GTF2IRD1: variants seen among roughly 807,000 people sequenced by gnomAD.
GTF2IRD1 encodes general transcription factor II-I repeat domain-containing protein 1.
In GTF2IRD1, 26 loss-of-function variants were observed where a neutral mutation model predicts 113.2. That is an observed-to-expected ratio of 0.23 (90% CI 0.17 to 0.32). The LOEUF is 0.32. Among genes scored for constraint, GTF2IRD1 ranks in the 10% least tolerant of loss-of-function variants. The probability of loss-of-function intolerance (pLI) is 1.00; values close to 1 mark genes in which losing one functional copy is unlikely to be tolerated. For synonymous variants in GTF2IRD1, 484 were observed against 529.1 expected (o/e 0.91, Z 1.17); for missense variants, 864 against 1,280.8 (o/e 0.67, Z 4.97).
chr7:74,571,120 A>G (rs2130867504), intron 22 of GTF2IRD1: 1 of 985,304 alleles, frequency 1.0e-6, no homozygotes, highest in Non-Finnish European at 1.2e-6. Flanking sequence ...TCCCCAGAGC[A>G]GGGGCTCCAG....
chr7:74,560,032 C>T (rs1163929845), intron 22 of GTF2IRD1, among the ~76,000 whole-genome samples: 2 of 152,224 alleles, frequency 1.3e-5, no homozygotes, highest in African/African-American at 4.8e-5. Context: ...CCACCCACCT[C>T]GGCCTCCCAA....
intron 1 of GTF2IRD1, among the ~76,000 whole-genome samples, chr7:74,491,995 G>C (rs1486920113): frequency 1.3e-5 from 2 of 151,398 alleles, no homozygotes; most frequent in Non-Finnish European, 2.9e-5. Context: ...TTTCTTGTTC[G>C]TTTGTTTTTG....
At chr7:74,540,045 G>A (rs111389921) in intron 14 of GTF2IRD1, 77 bp downstream of exon 14, 51 of 994,196 alleles carry the variant, frequency 5.1e-5, no homozygotes, top group African/African-American at 2.7e-4. Flanking sequence ...GGGCCAGGCC[G>A]TCCCCAGGTG....
chr7:74,486,302 C>T (rs562946063), intron 1 of GTF2IRD1, among the ~76,000 whole-genome samples: 7 of 152,268 alleles, frequency 4.6e-5, no homozygotes, highest in East Asian at 3.9e-4. Context: ...AGGGGTGTCT[C>T]GTGTAACAGG....
chr7:74,533,077 C>G (rs1182926808), intron 9 of GTF2IRD1, among the ~76,000 whole-genome samples: 1 of 151,580 alleles, frequency 6.6e-6, no homozygotes, highest in Non-Finnish European at 1.5e-5. Context: ...CCCGCCCTCT[C>G]AGACTCTCAG....
In GTF2IRD1 at chr7:74,519,443, C is replaced by T; in HGVS notation, c.640C>T (p.Leu214=). 1 of 1,557,918 alleles carries T rather than the reference C, an allele frequency of 6.4e-7. No individual in the cohort carries two copies. Among genetic ancestry groups the T allele is most frequent in the South Asian group, 1.2e-5 (1 of 81,916 alleles). ...GGATGGCGGGCGGGACTCGAAGGCCCTGGTGGAGCTGAACGGTGTCTCCCT... is the reference window on the plus strand; with the variant it reads ...GGATGGCGGGCGGGACTCGAAGGCCTTGGTGGAGCTGAACGGTGTCTCCCT... ...LEDGGRDSKA[L]VELNGVSLIP... Residue 214 remains leucine, a synonymous_variant, in exon 6 of 27, where the codon CTG becomes TTG. Coordinates refer to ENST00000424337, the MANE Select transcript of GTF2IRD1 (RefSeq NM_005685.4).
chr7:74,453,979 C>T lies in GTF2IRD1; in HGVS notation c.-204C>T, dbSNP rs1356062059. ...GTGGGGGCCGCCGAGCGCCAGCCCC[C>T]CGGCCGGCCGATTCCCCCCCCGCGC... On this transcript the variant is annotated 5_prime_UTR_variant, in exon 1 of 27. Transcript: ENST00000424337. The T allele has an allele frequency of 2.4e-4, 35 of 148,132 alleles. No homozygotes were observed. Among genetic ancestry groups the T allele is most frequent in the Non-Finnish European group, 4.1e-4 (27 of 66,448 alleles). 9.2% of individuals were successfully genotyped at this position (148,132 alleles called of 1,614,324 possible). A position where few individuals can be genotyped will look rare whatever the true frequency, so the allele number is the denominator to read the frequency against.
rs782509485 is a variant in GTF2IRD1 at position 74,601,024 on chromosome 7, G to A, written c.2630-20G>A. On this transcript the variant is annotated intron_variant, in intron 25 of 26. Transcript: ENST00000424337. ...AAAGCCTCAGCTTCCAGTGTCAACAGCCTTTTCCCCTCCTTCCAGCCAAAG... is the reference window on the plus strand; with the variant it reads ...AAAGCCTCAGCTTCCAGTGTCAACAACCTTTTCCCCTCCTTCCAGCCAAAG... 5.0e-6 allele frequency: 8 copies of A among 1,613,846 alleles called. No homozygotes were observed. In the African/African-American group the frequency reaches 9.3e-5, roughly 19 times the overall value.
At chr7:74,508,973 A>G (rs1261162964) in intron 2 of GTF2IRD1, among the ~76,000 whole-genome samples, 2 of 152,000 alleles carry the variant, frequency 1.3e-5, no homozygotes, top group African/African-American at 4.8e-5. Context: ...ACATACCTAG[A>G]CCTATAACAA....
chr7:74,581,106 G>A lies in GTF2IRD1; in HGVS notation c.2321-8745G>A, dbSNP rs1211717373. 3.3e-5 allele frequency among the ~76,000 whole-genome samples: 5 copies of A among 151,976 alleles called. No homozygotes were observed. The East Asian group carries it at 7.8e-4, about 24-fold the overall frequency. On this transcript the variant is annotated intron_variant, in intron 22 of 26. Transcript: ENST00000424337. ...GCCATCTCGGCTCACTGCAACCTCCGCCTCCCGGGTTCAAGTGATTCTCCT... is the reference window on the plus strand; with the variant it reads ...GCCATCTCGGCTCACTGCAACCTCCACCTCCCGGGTTCAAGTGATTCTCCT...
At chr7:74,528,089 T>C (rs782104698) in intron 8 of GTF2IRD1, among the ~76,000 whole-genome samples, 1 of 152,218 alleles carries the variant, frequency 6.6e-6, no homozygotes, top group Non-Finnish European at 1.5e-5. Flanking sequence ...CCTGTGCAAC[T>C]ACTCGCCTGC....
intron 12 of GTF2IRD1, among the ~76,000 whole-genome samples, 191 bp downstream of exon 12, chr7:74,538,364 A>G (rs587720823): frequency 2.0e-5 from 3 of 152,224 alleles, no homozygotes; most frequent in African/African-American, 7.2e-5. Context: ...TACTGGGGTC[A>G]GGGACATGGA....
At chr7:74,589,277 G>T (rs587612253) in intron 22 of GTF2IRD1, among the ~76,000 whole-genome samples, 4 of 152,066 alleles carry the variant, frequency 2.6e-5, no homozygotes, top group African/African-American at 9.6e-5. Flanking sequence ...GATCACTTGA[G>T]CCTGGGAGTT....
intron 1 of GTF2IRD1, among the ~76,000 whole-genome samples, chr7:74,488,971 G>A (rs1463810835): frequency 2.6e-5 from 4 of 151,730 alleles, no homozygotes; most frequent in African/African-American, 9.7e-5. Flanking sequence ...ACAAAACCCC[G>A]TCTCTACTAA....
chr7:74,533,064 A>C (rs2267821), intron 9 of GTF2IRD1, among the ~76,000 whole-genome samples: 5,413 of 151,602 alleles, frequency 0.036, 409 homozygotes, highest in East Asian at 0.34. Flanking sequence ...GTGTGAGCCC[A>C]GCCCCGCCCT....
chr7:74,498,011 GT>G (rs1191168052), intron 1 of GTF2IRD1, among the ~76,000 whole-genome samples: 2 of 149,432 alleles, frequency 1.3e-5, no homozygotes, highest in Non-Finnish European at 3.0e-5. Flanking sequence ...GCTTTCTTGT[GT>G]TTTTTATAGT....
intron 3 of GTF2IRD1, among the ~76,000 whole-genome samples, 200 bp downstream of exon 3, chr7:74,513,171 C>A (rs1403036648): frequency 6.6e-6 from 1 of 152,206 alleles, no homozygotes; most frequent in Non-Finnish European, 1.5e-5. Flanking sequence ...TGGGTGAACC[C>A]CAGGGTAGGC....
intron 22 of GTF2IRD1, among the ~76,000 whole-genome samples, chr7:74,583,869 T>C (rs781939947): frequency 1.4e-4 from 21 of 152,206 alleles, no homozygotes; most frequent in South Asian, 4.2e-4. Flanking sequence ...ACAACTGCCT[T>C]GGAGGTCCGT....
At chr7:74,478,102 G>A (rs916727691) in intron 1 of GTF2IRD1, among the ~76,000 whole-genome samples, 7 of 152,186 alleles carry the variant, frequency 4.6e-5, no homozygotes, top group Non-Finnish European at 1.0e-4. Context: ...ATAAGCCTCC[G>A]GGGCTCAGCC....
Sources: allele counts gnomAD v4.1 joint callset (sites outside exome capture counted in the v4.1 genomes callset), GRCh38; gene constraint gnomAD v4.1.1; transcripts MANE v1.5; gene names NCBI Gene and HGNC (gene_info 2026-07-23, HGNC 2026-07-21).